The following ITSN2 variants were observed in gnomAD, a reference collection of about 807,000 sequenced individuals.
ITSN2 encodes intersectin-2.
In ITSN2, 156 loss-of-function variants were observed where a neutral mutation model predicts 243.7. The observed-to-expected ratio is 0.64, with a 90% CI of 0.56 to 0.73. The LOEUF is 0.73. ITSN2 is among the 30% of genes least tolerant of loss of function. The probability of loss-of-function intolerance (pLI) is 0.00; values close to 1 mark genes in which losing one functional copy is unlikely to be tolerated. For synonymous variants in ITSN2, 703 were observed against 699.9 expected (o/e 1.00, Z -0.07); for missense variants, 1,801 against 1,996.1 (o/e 0.90, Z 1.86).
At chr2:24,306,592 A>G (rs1574246823) in intron 8 of ITSN2, among the ~76,000 whole-genome samples, 1 of 152,278 alleles carries the variant, frequency 6.6e-6, no homozygotes, top group Non-Finnish European at 1.5e-5. Context: ...TCATTTATCT[A>G]TTCTCCTGTC....
intron 1 of ITSN2, among the ~76,000 whole-genome samples, chr2:24,351,074 G>A (rs919402135): frequency 3.9e-5 from 6 of 151,926 alleles, no homozygotes; most frequent in Non-Finnish European, 8.8e-5. Flanking sequence ...TCTATCTTCC[G>A]CCTACCCTAC....
At chr2:24,313,883 G>C (rs1683575417) in intron 3 of ITSN2, among the ~76,000 whole-genome samples, 1 of 152,150 alleles carries the variant, frequency 6.6e-6, no homozygotes, top group South Asian at 2.1e-4. Flanking sequence ...TTAGGAGAGA[G>C]AGTCCTCCAT....
Position 24,204,386 on chromosome 2 carries a change from C to T in ITSN2, c.4795G>A (p.Gly1599Ser), listed in dbSNP as rs1300802566. Residue 1599 changes from glycine to serine, a missense_variant, in exon 39 of 40, where the codon GGC becomes AGC. Around this residue, in one of 5 missense-constraint regions of ITSN2, gnomAD observed 928 missense variants for 1,065.4 expected, o/e 0.87. Coordinates refer to ENST00000355123, the MANE Select transcript of ITSN2 (RefSeq NM_006277.3). The surrounding 1 kb of genome is among the most constrained non-coding windows in gnomAD (Gnocchi z 5.1). The part of the protein sequence containing the change: ...KSNPYCEISM[G>S]SQSYTTRTIQ... ...GTCCTGGTGGTGTAGCTCTGGGAGC[C>T]CATGCTGATTTCACAGTATGGGTTG... The T allele has an allele frequency of 6.2e-7, 1 of 1,613,906 alleles. No individual in the cohort carries two copies. The highest frequency in any genetic ancestry group is 8.5e-7 in the Non-Finnish European group (1 of 1,179,990).
At chr2:24,275,915 G>A (rs1677952394) in intron 17 of ITSN2, 66 bp from the exon 18 acceptor site, 1 of 1,175,636 alleles carries the variant, frequency 8.5e-7, no homozygotes, top group African/African-American at 1.6e-5. Flanking sequence ...ATGTATTAAT[G>A]TGGCATTTGC....
chr2:24,361,098 C>T (rs1688962895), upstream of ITSN2, among the ~76,000 whole-genome samples: 1 of 152,178 alleles, frequency 6.6e-6, no homozygotes, highest in African/African-American at 2.4e-5. Context: ...CATCCATTCA[C>T]CATTCCTCGC....
intron 29 of ITSN2, among the ~76,000 whole-genome samples, chr2:24,237,745 C>T (rs1208317370): frequency 6.6e-6 from 1 of 152,170 alleles, no homozygotes; most frequent in Non-Finnish European, 1.5e-5. Flanking sequence ...AACTCCGTTT[C>T]ATCATTTTTT....
intron 1 of ITSN2, among the ~76,000 whole-genome samples, chr2:24,339,465 C>CGA (rs1411020182): frequency 7.1e-6 from 1 of 141,478 alleles, no homozygotes; most frequent in Non-Finnish European, 1.5e-5. Flanking sequence ...AGTGAGACGC[C>CGA]GTCTCAAAAA....
rs916401391 is a variant in ITSN2, at chr2:24,225,420, C to T, written c.3578-4354G>A. Reference sequence around the variant, plus strand: ...CTGCCCCACTGCCCGACACTGCTCTCGGGAAGGTATCGATGACCTTGGCAT... The same window carrying T: ...CTGCCCCACTGCCCGACACTGCTCTTGGGAAGGTATCGATGACCTTGGCAT... On this transcript the variant is annotated intron_variant, in intron 29 of 39. Transcript: ENST00000355123. The surrounding 1 kb of genome is among the most constrained non-coding windows in gnomAD (Gnocchi z 4.2). Among the ~76,000 whole-genome samples the T allele has an allele frequency of 1.3e-5, 2 of 152,202 alleles. No individual in the cohort carries two copies. Among genetic ancestry groups the T allele is most frequent in the African/African-American group, 4.8e-5 (2 of 41,460 alleles).
At chr2:24,337,405 C>T (rs1686571802) in intron 1 of ITSN2, among the ~76,000 whole-genome samples, 1 of 141,984 alleles carries the variant, frequency 7.0e-6, no homozygotes, top group Admixed American at 7.2e-5. Context: ...GGCTGGAGTG[C>T]AGTGGCATGA....
intron 2 of ITSN2, among the ~76,000 whole-genome samples, chr2:24,323,896 C>T (rs1278596811): frequency 6.6e-6 from 1 of 152,150 alleles, no homozygotes; most frequent in Non-Finnish European, 1.5e-5. Flanking sequence ...TAGTTAGAAA[C>T]CTTAAGACTA....
intron 29 of ITSN2, among the ~76,000 whole-genome samples, chr2:24,231,594 T>A (rs911813603): frequency 1.3e-5 from 2 of 152,196 alleles, no homozygotes; most frequent in African/African-American, 4.8e-5. Flanking sequence ...AGACAAGTTA[T>A]GAATCATAGG....
chr2:24,304,519 A>G (rs1394980413), intron 8 of ITSN2, among the ~76,000 whole-genome samples: 2 of 152,170 alleles, frequency 1.3e-5, no homozygotes, highest in Non-Finnish European at 2.9e-5. Flanking sequence ...TTTAACATAA[A>G]TCACATAAAA....
chr2:24,254,423 G>T lies in ITSN2; in HGVS notation c.2897C>A (p.Ala966Asp). ...TTTCTTATTTACAGCTGCATACAAA[G>T]CTTCTGGTCTACCAAATATATAAAC... Reference protein sequence around the residue: ...GSEVKREEPEALYAAVNKKPT... With the variant: ...GSEVKREEPEDLYAAVNKKPT... The change falls in exon 24 of 40, where the codon GCT (alanine) becomes GAT (aspartate). Residue 966 changes from alanine (A) to aspartate (D), a missense_variant. Coordinates refer to ENST00000355123, the MANE Select transcript of ITSN2 (RefSeq NM_006277.3). 1 of 1,608,534 alleles carries T rather than the reference G, an allele frequency of 6.2e-7. No individual in the cohort carries two copies.
At chr2:24,304,816 T>C (rs1682275434) in intron 8 of ITSN2, among the ~76,000 whole-genome samples, 1 of 152,100 alleles carries the variant, frequency 6.6e-6, no homozygotes, top group Admixed American at 6.5e-5. Flanking sequence ...CGTGGAGGGC[T>C]TTATATGTGT....
intron 1 of ITSN2, among the ~76,000 whole-genome samples, chr2:24,352,414 CA>C (rs1319313331): frequency 1.3e-5 from 2 of 151,952 alleles, no homozygotes; most frequent in African/African-American, 4.8e-5. Context: ...AGAGTTGTGC[CA>C]ATTATTAATA....
Position 24,218,029 on chromosome 2 carries a change from A to C in ITSN2, c.3700-16T>G. The stretch of plus-strand genomic sequence containing the variant: ...TCTGAAAAACCTAAAGTCAAAACAT[A>C]GAAAAACTAGTTAGCTTAAGTGTGG... On this transcript the variant is annotated splice_polypyrimidine_tract_variant and intron_variant, in intron 30 of 39. Coordinates refer to ENST00000355123, the MANE Select transcript of ITSN2 (RefSeq NM_006277.3). The C allele has an allele frequency of 6.4e-7, 1 of 1,567,728 alleles. No individual in the cohort carries two copies. The highest frequency in any genetic ancestry group is 1.1e-5 in the South Asian group (1 of 90,076).
At chr2:24,295,504 T>C (rs1487223142) in intron 14 of ITSN2, among the ~76,000 whole-genome samples, 160 bp downstream of exon 14, 1 of 152,190 alleles carries the variant, frequency 6.6e-6, no homozygotes, top group Non-Finnish European at 1.5e-5. Context: ...AGACGGGGTT[T>C]TGCCCTGCTG....
At chr2:24,274,697 C>T (rs1558533910) in intron 18 of ITSN2, among the ~76,000 whole-genome samples, 1 of 152,056 alleles carries the variant, frequency 6.6e-6, no homozygotes, top group Non-Finnish European at 1.5e-5. Context: ...CAACAATAGC[C>T]ACTCAAAAAA....
At chr2:24,269,778 T>C (rs1677120457) in intron 20 of ITSN2, among the ~76,000 whole-genome samples, 1 of 152,200 alleles carries the variant, frequency 6.6e-6, no homozygotes, top group Non-Finnish European at 1.5e-5. Context: ...AAGTAAACTC[T>C]TGACCAAACA....
Sources: allele counts gnomAD v4.1 joint callset (sites outside exome capture counted in the v4.1 genomes callset), GRCh38; gene constraint gnomAD v4.1.1; regional missense constraint gnomAD v4.1.1; non-coding constraint Gnocchi (gnomAD v3.1); transcripts MANE v1.5; gene names NCBI Gene and HGNC (gene_info 2026-07-23, HGNC 2026-07-21).